The following ATP10B variants were observed in gnomAD, a reference collection of about 807,000 sequenced individuals.
The protein encoded by ATP10B is phospholipid-transporting ATPase VB.
ATP10B carries 122 observed loss-of-function variants against 141.2 expected under a neutral mutation model. The ratio of observed to expected loss-of-function variants is 0.86; its 90% CI spans 0.75 to 1.00. The LOEUF is 1.00. Among genes scored for constraint, ATP10B ranks in the 50% least tolerant of loss-of-function variants. ATP10B has a pLI of 0.00. For synonymous variants in ATP10B, 685 were observed against 692.0 expected, an observed-to-expected ratio of 0.99 and a Z score of 0.16; for missense variants, 1,876 against 1,825.3, an observed-to-expected ratio of 1.03 and a Z score of -0.51.
chr5:160,589,730 AT>A (rs1340261207), intron 23 of ATP10B, 34 bp from the exon 24 acceptor site: 1 of 1,514,098 alleles, frequency 6.6e-7, no homozygotes, highest in Non-Finnish European at 9.2e-7. Flanking sequence ...ATTGTCAGGT[AT>A]GTCTGTGGAC....
the ATP10B span, among the ~76,000 whole-genome samples, chr5:160,857,936 G>C: frequency 3.5e-4 from 53 of 151,296 alleles, no homozygotes; most frequent in Middle Eastern, 3.5e-3. Context: ...ATTATTTCCT[G>C]GTATTTGTTT....
At chr5:160,761,306 G>A (rs185223054) in intron 2 of ATP10B, among the ~76,000 whole-genome samples, 186 of 152,280 alleles carry the variant, frequency 1.2e-3, no homozygotes, top group Admixed American at 2.9e-3. Flanking sequence ...TCGCTCCCCT[G>A]CCAACTCCAC....
chr5:160,700,590 A>T (rs1391019216), intron 3 of ATP10B, among the ~76,000 whole-genome samples: 2 of 152,204 alleles, frequency 1.3e-5, no homozygotes, highest in Non-Finnish European at 2.9e-5. Flanking sequence ...AGAACTTTTC[A>T]TTCCTCTGTT....
intron 1 of ATP10B, among the ~76,000 whole-genome samples, chr5:160,810,786 T>C (rs1304995508): frequency 1.3e-5 from 2 of 152,228 alleles, no homozygotes; most frequent in African/African-American, 2.4e-5. Flanking sequence ...ATCAGAGTTG[T>C]AAGCCTCCTT....
intron 7 of ATP10B, among the ~76,000 whole-genome samples, chr5:160,660,506 T>C (rs897800370): frequency 6.6e-6 from 1 of 152,216 alleles, no homozygotes; most frequent in African/African-American, 2.4e-5. Flanking sequence ...AACCAACTCA[T>C]TATTTTGAAA....
At chr5:160,829,254 T>A (rs573155227) in intron 1 of ATP10B, among the ~76,000 whole-genome samples, 17 of 152,010 alleles carry the variant, frequency 1.1e-4, no homozygotes, top group Admixed American at 8.5e-4. Flanking sequence ...TTATCAAAAA[T>A]TAGATGGTTG....
intron 1 of ATP10B, among the ~76,000 whole-genome samples, chr5:160,828,255 C>T (rs1774785132): frequency 6.6e-6 from 1 of 152,086 alleles, no homozygotes. Context: ...AAAGAAACTA[C>T]CATCAGAGTG....
intron 2 of ATP10B, among the ~76,000 whole-genome samples, chr5:160,770,661 CTTTTA>C (rs939826049): frequency 2.0e-5 from 3 of 152,032 alleles, no homozygotes; most frequent in Non-Finnish European, 4.4e-5. Flanking sequence ...GGTTAGTGTA[CTTTTA>C]TTTTAATAGC....
At chr5:160,594,005 A>G (rs888929310) in intron 22 of ATP10B, among the ~76,000 whole-genome samples, 3 of 152,250 alleles carry the variant, frequency 2.0e-5, no homozygotes, top group Non-Finnish European at 2.9e-5. Context: ...CTAGCAAGGC[A>G]GGTCAACATT....
At chr5:160,838,630 G>A (rs577558909) in intron 1 of ATP10B, among the ~76,000 whole-genome samples, 1 of 152,214 alleles carries the variant, frequency 6.6e-6, no homozygotes, top group African/African-American at 2.4e-5. Flanking sequence ...ATAATGGTTA[G>A]TAATGTACAT....
chr5:160,915,323 T>C, the ATP10B span, among the ~76,000 whole-genome samples: 31 of 150,932 alleles, frequency 2.1e-4, no homozygotes, highest in Non-Finnish European at 4.1e-4. Flanking sequence ...GGACTCTCCC[T>C]GAAGCACACT....
chr5:160,744,818 G>A (rs570385176), intron 2 of ATP10B, among the ~76,000 whole-genome samples: 1 of 152,182 alleles, frequency 6.6e-6, no homozygotes, highest in Non-Finnish European at 1.5e-5. Flanking sequence ...TGCAAACGAC[G>A]ATTTCAAAGT....
intron 2 of ATP10B, among the ~76,000 whole-genome samples, chr5:160,733,205 T>C (rs1391989863): frequency 1.3e-5 from 2 of 152,246 alleles, no homozygotes; most frequent in Admixed American, 1.3e-4. Flanking sequence ...TCTTTTTTAT[T>C]GTGTAGTTAT....
chr5:160,832,269 T>C (rs1427763197), intron 1 of ATP10B, among the ~76,000 whole-genome samples: 2 of 152,188 alleles, frequency 1.3e-5, no homozygotes, highest in African/African-American at 4.8e-5. Context: ...AGATTGTTCA[T>C]GACTACAGTA....
intron 25 of ATP10B, among the ~76,000 whole-genome samples, chr5:160,568,584 G>T (rs1461666309): frequency 6.6e-6 from 1 of 152,188 alleles, no homozygotes; most frequent in Non-Finnish European, 1.5e-5. Flanking sequence ...GAGAGAGTGG[G>T]CTGCGGAATA....
intron 2 of ATP10B, among the ~76,000 whole-genome samples, chr5:160,779,317 T>C (rs905589355): frequency 6.6e-6 from 1 of 152,212 alleles, no homozygotes; most frequent in Non-Finnish European, 1.5e-5. Context: ...TATCTTCCTC[T>C]GGCCTTGAGT....
chr5:160,659,438 C>G (rs1761748096), intron 7 of ATP10B, among the ~76,000 whole-genome samples: 1 of 152,014 alleles, frequency 6.6e-6, no homozygotes, highest in Admixed American at 6.6e-5. Context: ...GCACTCCAGC[C>G]CAGGCAACAG....
At chr5:160,589,760 A>G in intron 23 of ATP10B, 64 bp from the exon 24 acceptor site, 1 of 1,233,382 alleles carries the variant, frequency 8.1e-7, no homozygotes, top group Non-Finnish European at 1.2e-6. Flanking sequence ...GCTTTGACAC[A>G]GTGATTATAA....
chr5:160,831,992 A>G (rs1775112703), intron 1 of ATP10B, among the ~76,000 whole-genome samples: 1 of 152,168 alleles, frequency 6.6e-6, no homozygotes, highest in Admixed American at 6.6e-5. Context: ...TTATAGAACA[A>G]TAATGGGAGC....
Sources: gnomAD v4.1 joint callset for allele counts (sites outside exome capture counted in the v4.1 genomes callset) on GRCh38, gnomAD v4.1.1 for gene constraint, MANE v1.5 for transcripts, NCBI Gene and HGNC (gene_info 2026-07-23, HGNC 2026-07-21) for gene names.